Variants in TPD52 observed in about 807,000 individuals in gnomAD.
The protein encoded by TPD52 is tumor protein D52.
A neutral mutation model predicts 31.3 loss-of-function variants in TPD52; 17 were observed. That is an observed-to-expected ratio of 0.54 (90% CI 0.37 to 0.82). The LOEUF (loss-of-function observed/expected upper bound fraction) is 0.82, where lower values mean the gene tolerates loss of function less well. Ranked by LOEUF, TPD52 falls within the 40% of genes least tolerant of loss-of-function variation. TPD52 has a pLI of 0.00. For synonymous variants in TPD52, 83 were observed against 89.6 expected, an observed-to-expected ratio of 0.93 and a Z score of 0.42; for missense variants, 212 against 240.1, an observed-to-expected ratio of 0.88 and a Z score of 0.77.
intron 3 of TPD52, chr8:80,053,023 A>G (rs1811524961): frequency 3.1e-6 from 1 of 323,828 alleles, no homozygotes; most frequent in Admixed American, 4.6e-5. Context: ...GTGGCAAGTC[A>G]ATACATAACA....
chr8:80,050,357 G>T lies in TPD52; in HGVS notation c.413+88C>A, dbSNP rs533101022. 2.0e-5 allele frequency: 27 copies of T among 1,319,342 alleles called. No individual in the cohort carries two copies. In the African/African-American group the frequency reaches 2.7e-4, roughly 13 times the overall value. 81.7% of individuals were successfully genotyped at this position (1,319,342 alleles called of 1,614,324 possible). ...AGAAAATTATGTACTGGACAAACAC[G>T]ATCATCCAACGTAGCATGGTAATCT... On this transcript the variant is annotated intron_variant, in intron 5 of 7. Transcript: ENST00000518937.
At chr8:80,095,282 G>GT (rs1303054145) in intron 1 of TPD52, among the ~76,000 whole-genome samples, 6 of 152,116 alleles carry the variant, frequency 3.9e-5, no homozygotes, top group African/African-American at 1.4e-4. Context: ...CCAAAATACT[G>GT]TAAGATCTCA....
chr8:80,162,178 C>G (rs1226142373), intron 1 of TPD52, among the ~76,000 whole-genome samples: 1 of 151,986 alleles, frequency 6.6e-6, no homozygotes, highest in African/African-American at 2.4e-5. Context: ...AGAAAAGACA[C>G]CAAGAAGGAA....
At chr8:80,062,581 C>T (rs1217769974) in intron 2 of TPD52, among the ~76,000 whole-genome samples, 1 of 152,118 alleles carries the variant, frequency 6.6e-6, no homozygotes, top group Non-Finnish European at 1.5e-5. Context: ...CAGAAAATAA[C>T]AAATGTTGCC....
At chr8:80,048,893 TG>T (rs1381701665) in intron 5 of TPD52, among the ~76,000 whole-genome samples, 1 of 152,130 alleles carries the variant, frequency 6.6e-6, no homozygotes, top group Non-Finnish European at 1.5e-5. Context: ...AGACTGAAAA[TG>T]GTACAGCATA....
At chr8:80,094,491 T>G (rs1816579442) in intron 1 of TPD52, among the ~76,000 whole-genome samples, 1 of 123,080 alleles carries the variant, frequency 8.1e-6, no homozygotes, top group Non-Finnish European at 1.7e-5. Context: ...TATATGTATG[T>G]ATATATAACA....
intron 2 of TPD52, 143 bp from the exon 3 acceptor site, chr8:80,053,573 G>T: frequency 1.1e-6 from 1 of 913,024 alleles, no homozygotes; most frequent in Non-Finnish European, 1.6e-6. Context: ...AATGTATAAT[G>T]TTGTTGAGTA....
intron 1 of TPD52, among the ~76,000 whole-genome samples, chr8:80,131,535 T>C (rs1306305861): frequency 6.6e-6 from 1 of 152,204 alleles, no homozygotes; most frequent in African/African-American, 2.4e-5. Context: ...TCCAGCTGAA[T>C]TTCCCAGTTA....
intron 1 of TPD52, among the ~76,000 whole-genome samples, chr8:80,094,994 T>C (rs774938378): frequency 3.3e-5 from 5 of 151,970 alleles, no homozygotes; most frequent in African/African-American, 4.8e-5. Flanking sequence ...CAAGAATATA[T>C]CACAGATCCT....
chr8:80,049,393 A>T (rs1239737340), intron 5 of TPD52, among the ~76,000 whole-genome samples: 1 of 152,224 alleles, frequency 6.6e-6, no homozygotes, highest in African/African-American at 2.4e-5. Context: ...AACGATACAC[A>T]ATCACCTATC....
intron 1 of TPD52, among the ~76,000 whole-genome samples, chr8:80,162,957 CA>C (rs36069407): frequency 5.9e-5 from 9 of 151,300 alleles, no homozygotes; most frequent in South Asian, 2.1e-4. Context: ...AACAAACAAA[CA>C]AAAAAAACGG....
intron 1 of TPD52, among the ~76,000 whole-genome samples, chr8:80,152,571 A>G (rs999229721): frequency 2.0e-5 from 3 of 152,104 alleles, no homozygotes; most frequent in African/African-American, 7.2e-5. Flanking sequence ...ACCTGAGGTC[A>G]GGAGTCCGAG....
At chr8:80,102,856 C>T (rs530998719) in intron 1 of TPD52, among the ~76,000 whole-genome samples, 36 of 152,226 alleles carry the variant, frequency 2.4e-4, no homozygotes, top group African/African-American at 7.9e-4. Context: ...ATCGATTAAC[C>T]AACAGCCAAT....
At chr8:80,119,474 C>A (rs1189017647) in intron 1 of TPD52, among the ~76,000 whole-genome samples, 1 of 152,104 alleles carries the variant, frequency 6.6e-6, no homozygotes, top group Non-Finnish European at 1.5e-5. Flanking sequence ...TGTATACTAT[C>A]CCATTGTAAA....
chr8:80,126,927 G>A (rs1223125205), intron 1 of TPD52, among the ~76,000 whole-genome samples: 3 of 152,102 alleles, frequency 2.0e-5, no homozygotes, highest in African/African-American at 7.2e-5. Context: ...GAGCAACATA[G>A]AGAAACCCTG....
At chr8:80,152,936 G>A (rs1453500717) in intron 1 of TPD52, among the ~76,000 whole-genome samples, 1 of 152,064 alleles carries the variant, frequency 6.6e-6, no homozygotes, top group Non-Finnish European at 1.5e-5. Context: ...CTGGGGAGGG[G>A]AGAAAGAGAG....
chr8:80,146,210 C>T (rs1392167062), intron 1 of TPD52, among the ~76,000 whole-genome samples: 1 of 152,188 alleles, frequency 6.6e-6, no homozygotes, highest in Non-Finnish European at 1.5e-5. Flanking sequence ...TTGGAAAAGT[C>T]TAGCACTGAA....
chr8:80,074,416 G>A (rs1243214431), intron 1 of TPD52, among the ~76,000 whole-genome samples: 2 of 152,218 alleles, frequency 1.3e-5, no homozygotes, highest in East Asian at 1.9e-4. Flanking sequence ...CCAGAAGTGG[G>A]AGGAATATTT....
chr8:80,121,664 T>C (rs1323325409), intron 1 of TPD52, among the ~76,000 whole-genome samples: 1 of 152,180 alleles, frequency 6.6e-6, no homozygotes, highest in African/African-American at 2.4e-5. Context: ...CCTACTGTGA[T>C]TACATTCTTA....
Sources: allele counts gnomAD v4.1 joint callset (sites outside exome capture counted in the v4.1 genomes callset), GRCh38; gene constraint gnomAD v4.1.1; transcripts MANE v1.5; gene names NCBI Gene and HGNC (gene_info 2026-07-23, HGNC 2026-07-21).